The following FAF1 variants were observed in gnomAD, a reference collection of about 807,000 sequenced individuals.
The protein encoded by FAF1 is FAS-associated factor 1.
In FAF1, 25 loss-of-function variants were observed where a neutral mutation model predicts 92.5. The observed-to-expected ratio is 0.27, with a 90% CI of 0.20 to 0.38. The LOEUF (loss-of-function observed/expected upper bound fraction) is 0.38, where lower values mean the gene tolerates loss of function less well. Ranked by LOEUF, FAF1 falls within the 10% of genes least tolerant of loss-of-function variation. The pLI is 1.00. For synonymous variants in FAF1, 234 were observed against 273.2 expected, an observed-to-expected ratio of 0.86 and a Z score of 1.42; for missense variants, 636 against 793.3, an observed-to-expected ratio of 0.80 and a Z score of 2.38.
chr1:50,879,603 T>C (rs1215533834), intron 1 of FAF1, among the ~76,000 whole-genome samples: 2 of 152,182 alleles, frequency 1.3e-5, no homozygotes, highest in Non-Finnish European at 2.9e-5. Context: ...TTTCAACAAC[T>C]GAAAACGGGA....
At chr1:50,929,205 T>A (rs752043379) in intron 1 of FAF1, among the ~76,000 whole-genome samples, 4 of 151,998 alleles carry the variant, frequency 2.6e-5, no homozygotes, top group Non-Finnish European at 4.4e-5. Context: ...TCAAAGTATA[T>A]CCCACAATAT....
chr1:50,572,096 C>CATT (rs1195916946), intron 12 of FAF1, among the ~76,000 whole-genome samples: 10 of 152,158 alleles, frequency 6.6e-5, no homozygotes, highest in African/African-American at 2.2e-4. Flanking sequence ...TCATCATTAT[C>CATT]ATCAGTAATC....
At chr1:50,457,740 A>AAAAAAAAAC (rs1646372198) in intron 18 of FAF1, among the ~76,000 whole-genome samples, 1 of 148,902 alleles carries the variant, frequency 6.7e-6, no homozygotes, top group African/African-American at 2.5e-5. Flanking sequence ...AAAAAAAAAA[A>AAAAAAAAAC]AAAAAATACA....
chr1:50,888,094 G>A (rs531261742), intron 1 of FAF1, among the ~76,000 whole-genome samples: 37 of 152,142 alleles, frequency 2.4e-4, no homozygotes, highest in Admixed American at 5.2e-4. Context: ...GGTCCTTCAC[G>A]TCCCTTGTAA....
chr1:50,486,401 G>A (rs1572777061), intron 17 of FAF1, among the ~76,000 whole-genome samples: 1 of 152,160 alleles, frequency 6.6e-6, no homozygotes, highest in East Asian at 1.9e-4. Flanking sequence ...TTCCCCTTTT[G>A]TTCATGACTA....
intron 12 of FAF1, among the ~76,000 whole-genome samples, chr1:50,582,103 T>C (rs1651015706): frequency 6.6e-6 from 1 of 152,166 alleles, no homozygotes; most frequent in South Asian, 2.1e-4. Context: ...TTGTTAGATA[T>C]ATATCACTAC....
chr1:50,948,293 G>C (rs564634798), intron 1 of FAF1, among the ~76,000 whole-genome samples: 1 of 152,232 alleles, frequency 6.6e-6, no homozygotes, highest in African/African-American at 2.4e-5. Context: ...AAAATCTGAG[G>C]CTGGGTAATT....
chr1:50,842,488 A>G (rs1167968007), intron 2 of FAF1, among the ~76,000 whole-genome samples: 1 of 152,104 alleles, frequency 6.6e-6, no homozygotes, highest in Non-Finnish European at 1.5e-5. Context: ...TGAATTATCA[A>G]ACTAAAATAT....
At chr1:50,920,611 G>C (rs1644954974) in intron 1 of FAF1, among the ~76,000 whole-genome samples, 1 of 152,186 alleles carries the variant, frequency 6.6e-6, no homozygotes, top group Admixed American at 6.5e-5. Context: ...AGCAATGCAA[G>C]GTTGGTTTAA....
At chr1:50,717,981 A>G (rs893426148) in intron 6 of FAF1, among the ~76,000 whole-genome samples, 1 of 149,090 alleles carries the variant, frequency 6.7e-6, no homozygotes, top group Non-Finnish European at 1.5e-5. Flanking sequence ...CTTCAAAAAT[A>G]CAATCCTTTA....
At chr1:50,509,146 C>T (rs1345410687) in intron 15 of FAF1, among the ~76,000 whole-genome samples, 1 of 151,980 alleles carries the variant, frequency 6.6e-6, no homozygotes, top group Non-Finnish European at 1.5e-5. Context: ...GTGGTATTAT[C>T]CATACAATGG....
intron 18 of FAF1, among the ~76,000 whole-genome samples, chr1:50,460,422 G>C (rs779032700): frequency 6.6e-6 from 1 of 152,246 alleles, no homozygotes; most frequent in Non-Finnish European, 1.5e-5. Flanking sequence ...GTGCTGTCTA[G>C]TGTTCCTAAG....
chr1:50,945,138 G>C lies in FAF1; in HGVS notation c.45+14629C>G, dbSNP rs182822150. 3.2e-3 allele frequency among the ~76,000 whole-genome samples: 485 copies of C among 152,308 alleles called. 3 individuals are homozygous for C. Among genetic ancestry groups the C allele is most frequent in the Non-Finnish European group, 4.4e-3 (299 of 68,026 alleles). On this transcript the variant is annotated intron_variant, in intron 1 of 18. Transcript: ENST00000396153. The stretch of plus-strand genomic sequence containing the variant: ...GGAGCATGGAAGCATCAAATACCTT[G>C]ACAATCAGTTCATTGCTGAGTGGCT...
intron 6 of FAF1, among the ~76,000 whole-genome samples, chr1:50,720,481 T>G (rs958627092): frequency 6.6e-6 from 1 of 152,208 alleles, no homozygotes; most frequent in Non-Finnish European, 1.5e-5. Context: ...CTAATTACAA[T>G]ACTGATAACT....
intron 7 of FAF1, among the ~76,000 whole-genome samples, chr1:50,693,576 T>C (rs1429513910): frequency 1.3e-5 from 2 of 152,148 alleles, no homozygotes; most frequent in African/African-American, 4.8e-5. Flanking sequence ...TACAATCTTA[T>C]TGTAGCATAT....
intron 18 of FAF1, among the ~76,000 whole-genome samples, chr1:50,446,816 T>A (rs952009304): frequency 1.8e-4 from 28 of 152,114 alleles, no homozygotes; most frequent in Admixed American, 5.2e-4. Context: ...TTTTTAATGT[T>A]CCTAATGCAT....
intron 1 of FAF1, among the ~76,000 whole-genome samples, chr1:50,928,284 A>C (rs1398289614): frequency 1.3e-5 from 2 of 152,208 alleles, no homozygotes; most frequent in Non-Finnish European, 2.9e-5. Flanking sequence ...TACTATAAAT[A>C]ATAGAATGGA....
chr1:50,812,953 A>G (rs935338270), intron 2 of FAF1, among the ~76,000 whole-genome samples: 2 of 152,294 alleles, frequency 1.3e-5, no homozygotes. Context: ...CCATTATCCC[A>G]AACTAACGCA....
At chr1:50,653,966 C>A (rs1654991671) in intron 8 of FAF1, among the ~76,000 whole-genome samples, 1 of 152,092 alleles carries the variant, frequency 6.6e-6, no homozygotes. Flanking sequence ...CCGTGCCTGA[C>A]CAAAAATAAA....
Sources: allele counts gnomAD v4.1 joint callset (sites outside exome capture counted in the v4.1 genomes callset), GRCh38; gene constraint gnomAD v4.1.1; transcripts MANE v1.5; gene names NCBI Gene and HGNC (gene_info 2026-07-23, HGNC 2026-07-21).